CELSR1: variants seen among roughly 807,000 people sequenced by gnomAD.
The protein encoded by CELSR1 is cadherin EGF LAG seven-pass G-type receptor 1, also known as adhesion G protein-coupled receptor C1.
Under a neutral mutation model 249.1 loss-of-function variants are expected in CELSR1, and 110 were observed. The ratio of observed to expected loss-of-function variants is 0.44; its 90% CI spans 0.38 to 0.52. The LOEUF is 0.52. Among genes scored for constraint, CELSR1 ranks in the 20% least tolerant of loss-of-function variants. The pLI, the probability that CELSR1 is intolerant of heterozygous loss-of-function variation, is 0.00. For synonymous variants in CELSR1, 2,113 were observed against 1,900.0 expected (o/e 1.11, Z -2.92); for missense variants, 4,109 against 4,296.4 (o/e 0.96, Z 1.22).
At chr22:46,373,121 A>C in intron 24 of CELSR1, 64 bp from the exon 25 acceptor site, 1 of 1,417,818 alleles carries the variant, frequency 7.1e-7, no homozygotes. Flanking sequence ...GACAGGCATG[A>C]GTGAGGGGTG....
chr22:46,425,836 A>T (rs5768770), intron 5 of CELSR1, among the ~76,000 whole-genome samples: 83,773 of 151,756 alleles, frequency 0.55, 23,985 homozygotes, highest in South Asian at 0.68. Flanking sequence ...TTTTGTTCTT[A>T]TTCTAGGTTC....
chr22:46,535,402 A>G lies in CELSR1; in HGVS notation c.1769T>C (p.Val590Ala). 6.2e-7 allele frequency: 1 copy of G among 1,609,774 alleles called. No individual in the cohort carries two copies. The highest frequency in any genetic ancestry group is 8.5e-7 in the Non-Finnish European group (1 of 1,178,358). Reference protein sequence around the residue: ...LGYPVVHIQAVDADSGENARL... With the variant: ...LGYPVVHIQAADADSGENARL... The stretch of plus-strand genomic sequence containing the variant: ...GGCGTTCTCTCCAGAGTCCGCGTCC[A>G]CCGCCTGAATGTGCACCACGGGGTA... The change falls in exon 1 of 35, where the codon GTG becomes GCG. Residue 590 changes from valine (V) to alanine (A), a missense_variant. This residue lies in a region of CELSR1 where 886 missense variants were observed against 896.5 expected (regional missense o/e 0.99). Transcript: ENST00000674500.
chr22:46,508,261 A>G (rs940569609), intron 1 of CELSR1, among the ~76,000 whole-genome samples: 1 of 148,282 alleles, frequency 6.7e-6, no homozygotes, highest in Admixed American at 6.7e-5. Flanking sequence ...CCCGCGGGAC[A>G]GAAGCCAGCC....
rs1472760056 is a variant in CELSR1 at position 46,440,204 on chromosome 22, G to GT, written c.4184-794dup. On this transcript the variant is annotated intron_variant, in intron 2 of 34. Transcript: ENST00000674500. This position sits in a 1 kb window ranked among gnomAD's most constrained non-coding sequence, Gnocchi z 4.7. ...CCTCATCTGCTCGGAGGGTCTCAGT[G>GT]TTCGCCATGCTTCGACCCAGTTGTT... 1.3e-5 allele frequency among the ~76,000 whole-genome samples: 2 copies of GT among 152,140 alleles called. No individual in the cohort carries two copies. Among genetic ancestry groups the GT allele is most frequent in the Non-Finnish European group, 2.9e-5 (2 of 68,032 alleles).
At position 46,406,604 on chromosome 22, in the gene CELSR1, G is replaced by C. The variant is rs1569140126; in HGVS notation, c.5226+2392C>G. On this transcript the variant is annotated intron_variant, in intron 9 of 34. Transcript: ENST00000674500. The surrounding 1 kb of genome is among the most constrained non-coding windows in gnomAD (Gnocchi z 5.4). ...AGGGCATGTGCTGGGCAGTCCCTCT[G>C]TCCACCCGCCAACCCTCATGCCAAT... is the stretch of plus-strand genomic sequence containing the variant. Among the ~76,000 whole-genome samples the C allele has an allele frequency of 6.6e-6, 1 of 152,326 alleles. No individual in the cohort carries two copies. The highest frequency in any genetic ancestry group is 1.9e-4 in the East Asian group (1 of 5,184).
rs577791071 is a variant in CELSR1, at chr22:46,440,177, A to G, written c.4184-766T>C. Reference sequence around the variant, plus strand: ...CCGCCCTCAGACCAGGAGTGCTAAGAACCTCATCTGCTCGGAGGGTCTCAG... The same window carrying G: ...CCGCCCTCAGACCAGGAGTGCTAAGGACCTCATCTGCTCGGAGGGTCTCAG... On this transcript the variant is annotated intron_variant, in intron 2 of 34. Transcript: ENST00000674500. This position sits in a 1 kb window ranked among gnomAD's most constrained non-coding sequence, Gnocchi z 4.7. 6.6e-6 allele frequency among the ~76,000 whole-genome samples: 1 copy of G among 152,134 alleles called. No individual in the cohort carries two copies. The highest frequency in any genetic ancestry group is 2.1e-4 in the South Asian group (1 of 4,808).
chr22:46,411,602 T>G lies in CELSR1; in HGVS notation c.4769A>C (p.Lys1590Thr). 6.2e-7 allele frequency: 1 copy of G among 1,614,104 alleles called. No individual in the cohort carries two copies. The highest frequency in any genetic ancestry group is 1.7e-5 in the Admixed American group (1 of 60,024). The part of the protein sequence containing the change: ...AAQGTQTGSK[K>T]SLDLTGPLLL... The stretch of plus-strand genomic sequence containing the variant: ...GGGCCTCCCCTCCTGGGATGCTCAC[T>G]TCTTGGAGCCGGTCTGAGTGCCCTG... Residue 1590 changes from lysine to threonine, a missense_variant and splice_region_variant, in exon 6 of 35, where the codon AAG (lysine) becomes ACG (threonine). Physicochemically the swap from Lys to Thr is moderately conservative, Grantham distance 78. Transcript: ENST00000674500. This position sits in a 1 kb window ranked among gnomAD's most constrained non-coding sequence, Gnocchi z 4.2.
chr22:46,464,972 G>A lies in CELSR1; in HGVS notation c.3545-627C>T, dbSNP rs948271837. On this transcript the variant is annotated intron_variant, in intron 1 of 34. Transcript: ENST00000674500. This position sits in a 1 kb window ranked among gnomAD's most constrained non-coding sequence, Gnocchi z 8.5. ...ACATGCCCAGCACACAGGAGGGGCC[G>A]AGGAGCACCGCTTTACAAAGACACA... Among the ~76,000 whole-genome samples, 8 of 152,178 alleles carry A rather than the reference G, an allele frequency of 5.3e-5. No homozygotes were observed. The highest frequency in any genetic ancestry group is 1.4e-4 in the African/African-American group (6 of 41,438).
chr22:46,397,619 T>C, intron 12 of CELSR1, 55 bp downstream of exon 12: 1 of 1,370,916 alleles, frequency 7.3e-7, no homozygotes, highest in Non-Finnish European at 9.5e-7. Context: ...CCCTCCTGTG[T>C]TTCAGCCATA....
intron 24 of CELSR1, 81 bp from the exon 25 acceptor site, chr22:46,373,138 G>A (rs932847848): frequency 5.9e-5 from 83 of 1,412,370 alleles, no homozygotes; most frequent in South Asian, 4.7e-4. Context: ...GGTGGGGGAT[G>A]GGAGAGCTCA....
chr22:46,446,931 G>C lies in CELSR1; in HGVS notation c.4184-7520C>G, dbSNP rs1244991877. On this transcript the variant is annotated intron_variant, in intron 2 of 34. Coordinates refer to ENST00000674500, the MANE Select transcript of CELSR1 (RefSeq NM_001378328.1). This position sits in a 1 kb window ranked among gnomAD's most constrained non-coding sequence, Gnocchi z 5.5. Reference sequence around the variant, plus strand: ...TTCCTTAGGGCTGACTCCTAGCACAGAGCCAATTCAGGATTCCCCTGAGGG... The same window carrying C: ...TTCCTTAGGGCTGACTCCTAGCACACAGCCAATTCAGGATTCCCCTGAGGG... Among the ~76,000 whole-genome samples the C allele has an allele frequency of 1.3e-5, 2 of 152,098 alleles. No individual in the cohort carries two copies. The highest frequency in any genetic ancestry group is 2.4e-5 in the African/African-American group (1 of 41,398).
At position 46,440,092 on chromosome 22, in the gene CELSR1, G is replaced by T. The variant is rs2079726369; in HGVS notation, c.4184-681C>A. ...GTTTAAACTCTTTTGTGACAGGAAG[G>T]TTCTGGAAGCTTTCCCAGAAAACCA... On this transcript the variant is annotated intron_variant, in intron 2 of 34. Transcript: ENST00000674500. This position sits in a 1 kb window ranked among gnomAD's most constrained non-coding sequence, Gnocchi z 4.7. Among the ~76,000 whole-genome samples, 1 of 152,110 alleles carries T rather than the reference G, an allele frequency of 6.6e-6. No homozygotes were observed. Among genetic ancestry groups the T allele is most frequent in the South Asian group, 2.1e-4 (1 of 4,826 alleles).
chr22:46,386,357 CCT>C, intron 19 of CELSR1, 43 bp downstream of exon 19: 2 of 1,480,418 alleles, frequency 1.4e-6, no homozygotes, highest in Non-Finnish European at 1.8e-6. Flanking sequence ...GGGGCACACC[CCT>C]GATGGTAGCA....
At chr22:46,520,749 A>G (rs866912433) in intron 1 of CELSR1, among the ~76,000 whole-genome samples, 1 of 152,280 alleles carries the variant, frequency 6.6e-6, no homozygotes, top group African/African-American at 2.4e-5. Flanking sequence ...GGTGTGGCCC[A>G]CTGTAACCAT....
At position 46,468,068 on chromosome 22, in the gene CELSR1, G is replaced by A. The variant is rs115354977; in HGVS notation, c.3545-3723C>T. On this transcript the variant is annotated intron_variant, in intron 1 of 34. Transcript: ENST00000674500. This position sits in a 1 kb window ranked among gnomAD's most constrained non-coding sequence, Gnocchi z 4.5. ...GAGCTGAAACATGGAAGTGACCTGCGTCCACCGACAGATTAACGGATTAAA... is the reference window on the plus strand; with the variant it reads ...GAGCTGAAACATGGAAGTGACCTGCATCCACCGACAGATTAACGGATTAAA... 0.013 allele frequency among the ~76,000 whole-genome samples: 1,931 copies of A among 152,140 alleles called. 27 individuals are homozygous for A. The highest frequency in any genetic ancestry group is 0.034 in the Middle Eastern group (10 of 294).
chr22:46,493,455 A>G (rs1041451304), intron 1 of CELSR1, among the ~76,000 whole-genome samples: 1 of 151,538 alleles, frequency 6.6e-6, no homozygotes, highest in Non-Finnish European at 1.5e-5. Flanking sequence ...CTGAGGTAGG[A>G]GAATCGCTTG....
intron 1 of CELSR1, among the ~76,000 whole-genome samples, chr22:46,480,024 T>C (rs2080250979): frequency 6.6e-6 from 1 of 152,192 alleles, no homozygotes; most frequent in South Asian, 2.1e-4. Context: ...AAAACCAGGT[T>C]TTTCCAAATC....
Position 46,433,600 on chromosome 22 carries a change from C to A in CELSR1, c.4523-119G>T. ...GGTGCACATGGCCACGTCCTCCCTC[C>A]CCTCCCCACGGCACCATGGTGGGAG... is the stretch of plus-strand genomic sequence containing the variant. On this transcript the variant is annotated intron_variant, in intron 4 of 34. Transcript: ENST00000674500. The surrounding 1 kb of genome is among the most constrained non-coding windows in gnomAD (Gnocchi z 5.7). 1 of 682,884 alleles carries A rather than the reference C, an allele frequency of 1.5e-6. No individual in the cohort carries two copies. The highest frequency in any genetic ancestry group is 2.4e-5 in the Admixed American group (1 of 41,242). The allele number at this position is 682,884 out of a possible 1,614,324, so 42.3% of individuals were successfully genotyped here. A position where few individuals can be genotyped will look rare whatever the true frequency, so the allele number is the denominator to read the frequency against.
chr22:46,391,414 T>A lies in CELSR1; in HGVS notation c.6149-127A>T. The A allele has an allele frequency of 2.2e-6, 2 of 923,408 alleles. No individual in the cohort carries two copies. The highest frequency in any genetic ancestry group is 2.7e-5 in the East Asian group (1 of 37,690). 57.2% of individuals were successfully genotyped at this position (923,408 alleles called of 1,614,324 possible). A position where few individuals can be genotyped will look rare whatever the true frequency, so the allele number is the denominator to read the frequency against. On this transcript the variant is annotated intron_variant, in intron 15 of 34. Transcript: ENST00000674500. The surrounding 1 kb of genome is among the most constrained non-coding windows in gnomAD (Gnocchi z 4.3). ...TCCCACCAAGAACCGAACCCTAGCA[T>A]CTCCCCTGCCCCCATCCATGTCAGA...
Sources: allele counts gnomAD v4.1 joint callset (sites outside exome capture counted in the v4.1 genomes callset), GRCh38; gene constraint gnomAD v4.1.1; regional missense constraint gnomAD v4.1.1; non-coding constraint Gnocchi (gnomAD v3.1); transcripts MANE v1.5; gene names NCBI Gene and HGNC (gene_info 2026-07-23, HGNC 2026-07-21).